The following PUDP variants were observed in gnomAD, a reference collection of about 807,000 sequenced individuals.
The protein encoded by PUDP is pseudouridine-5'-phosphatase.
Under a neutral mutation model 9.4 loss-of-function variants are expected in PUDP, and 8 were observed. The observed-to-expected ratio is 0.85, with a 90% CI of 0.50 to 1.53. The LOEUF (loss-of-function observed/expected upper bound fraction) is 1.53, where lower values mean the gene tolerates loss of function less well. Ranked by LOEUF, PUDP falls within the 40% of genes most tolerant of loss-of-function variation. The probability of loss-of-function intolerance (pLI) is 0.00; values close to 1 mark genes in which losing one functional copy is unlikely to be tolerated. For missense variants in PUDP, 188 were observed against 189.7 expected (o/e 0.99, Z 0.05); for synonymous variants, 99 against 80.7 (o/e 1.23, Z -1.22).
intron 3 of PUDP, among the ~76,000 whole-genome samples, chrX:6,862,717 C>T (rs1220050511): frequency 1.8e-5 from 2 of 111,488 alleles, no homozygotes; most frequent in African/African-American, 3.3e-5. Context: ...TTTTAGACAC[C>T]ATGGTATGAT....
intron 3 of PUDP, among the ~76,000 whole-genome samples, chrX:6,911,831 TA>T (rs1419602796): frequency 2.7e-5 from 3 of 112,195 alleles, no homozygotes; most frequent in African/African-American, 9.7e-5. Context: ...TGATATTTTG[TA>T]AGCCACCAAT....
chrX:7,073,937 A>G (rs1930818729), intron 3 of PUDP, among the ~76,000 whole-genome samples: 1 of 112,930 alleles, frequency 8.9e-6, no homozygotes. Flanking sequence ...AGATGTTAAA[A>G]CACAATTCAT....
intron 3 of PUDP, among the ~76,000 whole-genome samples, chrX:6,887,257 A>C (rs1051318097): frequency 3.7e-5 from 4 of 106,974 alleles, no homozygotes; most frequent in African/African-American, 1.3e-4. Flanking sequence ...ATTAATTATG[A>C]TATATTATTT....
At chrX:7,069,519 G>C (rs972637874) in intron 3 of PUDP, among the ~76,000 whole-genome samples, 3 of 110,475 alleles carry the variant, frequency 2.7e-5, no homozygotes, top group Non-Finnish European at 5.7e-5. Context: ...AGTGCTGGGT[G>C]CTGGGCATTC....
chrX:7,048,279 T>A (rs777555182), downstream of PUDP, among the ~76,000 whole-genome samples: 45 of 112,378 alleles, frequency 4.0e-4, 1 homozygote, highest in African/African-American at 1.4e-3. Flanking sequence ...TACATTCTAC[T>A]AATCACTGTG....
chrX:6,887,150 TTTAATTTAA>T (rs1357805407), intron 3 of PUDP, among the ~76,000 whole-genome samples: 3 of 41,325 alleles, frequency 7.3e-5, no homozygotes, highest in Non-Finnish European at 2.3e-4. Flanking sequence ...AATTTAATTA[TTTAATTTAA>T]TTTATTTATA....
intron 3 of PUDP, among the ~76,000 whole-genome samples, chrX:6,797,148 C>T (rs1438972362): frequency 1.8e-5 from 2 of 112,066 alleles, no homozygotes; most frequent in African/African-American, 3.2e-5. Context: ...CACCGTAGAA[C>T]ATTGAATTGC....
chrX:6,853,156 T>C (rs1394064741), intron 3 of PUDP, among the ~76,000 whole-genome samples: 2 of 111,869 alleles, frequency 1.8e-5, no homozygotes, highest in African/African-American at 6.5e-5. Context: ...TTGTTATCTA[T>C]GCAGCTGTCG....
intron 3 of PUDP, among the ~76,000 whole-genome samples, chrX:6,865,682 C>T (rs1261751773): frequency 9.0e-6 from 1 of 111,356 alleles, no homozygotes; most frequent in Non-Finnish European, 1.9e-5. Context: ...GGAGCATTCC[C>T]TCAGATGCCT....
intron 3 of PUDP, among the ~76,000 whole-genome samples, chrX:6,882,579 A>C (rs750603439): frequency 8.9e-6 from 1 of 111,872 alleles, no homozygotes; most frequent in African/African-American, 3.2e-5. Flanking sequence ...TTCTATTTTT[A>C]TTAAGAAATT....
chrX:6,977,183 C>T (rs1045630532), exon 3 of PUDP, among the ~76,000 whole-genome samples: 1 of 111,968 alleles, frequency 8.9e-6, no homozygotes, highest in South Asian at 3.8e-4. Flanking sequence ...CTCCATGCCA[C>T]TCCAGGAACA....
chrX:6,893,034 T>C (rs1346183317), intron 3 of PUDP, among the ~76,000 whole-genome samples: 2 of 112,145 alleles, frequency 1.8e-5, no homozygotes, highest in Non-Finnish European at 3.8e-5. Context: ...TGCTATGTCA[T>C]TGGGGAAAAA....
At chrX:7,080,456 T>G (rs924416199) in intron 2 of PUDP, among the ~76,000 whole-genome samples, 1 of 111,874 alleles carries the variant, frequency 8.9e-6, no homozygotes, top group Admixed American at 9.5e-5. Flanking sequence ...CAACTCATTT[T>G]ACATTTTACA....
intron 3 of PUDP, among the ~76,000 whole-genome samples, chrX:6,867,250 G>C (rs1463505815): frequency 8.9e-6 from 1 of 111,877 alleles, no homozygotes; most frequent in African/African-American, 3.2e-5. Flanking sequence ...TATTGTCAAA[G>C]CTGCTGTATC....
chrX:6,737,655 T>A (rs1199213475), intron 3 of PUDP, among the ~76,000 whole-genome samples: 1 of 110,466 alleles, frequency 9.1e-6, no homozygotes, highest in African/African-American at 3.3e-5. Flanking sequence ...CGGGGACCCA[T>A]CTTTGCATGT....
intron 1 of PUDP, among the ~76,000 whole-genome samples, chrX:7,116,506 G>A (rs1297273959): frequency 9.0e-6 from 1 of 110,848 alleles, no homozygotes; most frequent in African/African-American, 3.3e-5. Context: ...GGTGGGCCAG[G>A]CACTTCTCTC....
intron 1 of PUDP, among the ~76,000 whole-genome samples, chrX:7,005,427 GGAGACAGGGTCTGGCTCTGT>G (rs1390423454): frequency 9.2e-6 from 1 of 108,560 alleles, no homozygotes; most frequent in Non-Finnish European, 1.9e-5. Context: ...TTATTATTTT[GGAGACAGGGTCTGGCTCTGT>G]TGCCCAGGCT....
intron 3 of PUDP, among the ~76,000 whole-genome samples, chrX:6,885,359 C>T (rs1378644487): frequency 4.5e-5 from 5 of 111,906 alleles, no homozygotes; most frequent in African/African-American, 1.3e-4. Context: ...AAAACTTTCG[C>T]CTCTGGTGGT....
intron 2 of PUDP, among the ~76,000 whole-genome samples, chrX:7,079,046 A>G (rs1931004532): frequency 8.9e-6 from 1 of 112,383 alleles, no homozygotes; most frequent in Non-Finnish European, 1.9e-5. Context: ...AGAATAAAAA[A>G]GAAAAACAAA....
Sources: gnomAD v4.1 joint callset for allele counts (sites outside exome capture counted in the v4.1 genomes callset) on GRCh38, gnomAD v4.1.1 for gene constraint, MANE v1.5 for transcripts, NCBI Gene and HGNC (gene_info 2026-07-23, HGNC 2026-07-21) for gene names.